PRRC1: variants seen among roughly 807,000 people sequenced by gnomAD.
PRRC1 encodes proline rich coiled-coil 1.
PRRC1 carries 39 observed loss-of-function variants against 40.7 expected under a neutral mutation model. That is an observed-to-expected ratio of 0.96 (90% confidence interval 0.74 to 1.25). The LOEUF is 1.25. PRRC1 is among the 50% of genes most tolerant of loss of function. PRRC1 has a pLI of 0.00. For missense variants in PRRC1, 573 were observed against 548.3 expected, an observed-to-expected ratio of 1.05 and a Z score of -0.45; for synonymous variants, 175 against 193.3, an observed-to-expected ratio of 0.91 and a Z score of 0.79.
At chr5:127,546,683 C>T (rs1377314445) in intron 7 of PRRC1, among the ~76,000 whole-genome samples, 1 of 152,160 alleles carries the variant, frequency 6.6e-6, no homozygotes, top group Non-Finnish European at 1.5e-5. Flanking sequence ...CCTTCAGTAA[C>T]ACTTTTTAGG....
At position 127,554,427 on chromosome 5, in the gene PRRC1, C is replaced by G. The variant is rs1313287444; in HGVS notation, c.*2511C>G. 6.6e-6 allele frequency: 1 copy of G among 151,910 alleles called. No individual in the cohort carries two copies. Among genetic ancestry groups the G allele is most frequent in the East Asian group, 1.9e-4 (1 of 5,176 alleles). 9.4% of individuals were successfully genotyped at this position (151,910 alleles called of 1,614,324 possible). On this transcript the variant is annotated 3_prime_UTR_variant, in exon 9 of 9. Coordinates refer to ENST00000296666, the MANE Select transcript of PRRC1 (RefSeq NM_130809.5). ...TGTTATTGGATTTTGTATTTTAATA[C>G]AAATTATTGAATTTTATAAGCTTGT...
At chr5:127,540,567 C>T (rs1467614340) in intron 7 of PRRC1, among the ~76,000 whole-genome samples, 1 of 152,114 alleles carries the variant, frequency 6.6e-6, no homozygotes, top group East Asian at 1.9e-4. Context: ...GAGCTGCTCA[C>T]TACCAATTCT....
chr5:127,552,433 G>T lies in PRRC1; in HGVS notation c.*517G>T. On this transcript the variant is annotated 3_prime_UTR_variant, in exon 9 of 9. Transcript: ENST00000296666. ...ATAAGACACCTACTTGTCGGGAGAT[G>T]TTCCACATTTCTGTGCATGTTTTCA... 1.0e-6 allele frequency: 1 copy of T among 987,138 alleles called. No homozygotes were observed. The highest frequency in any genetic ancestry group is 4.7e-5 in the South Asian group (1 of 21,372). The allele number at this position is 987,138 out of a possible 1,614,324, so 61.1% of individuals were successfully genotyped here.
At chr5:127,535,128 A>G (rs983769334) in intron 6 of PRRC1, among the ~76,000 whole-genome samples, 2 of 152,222 alleles carry the variant, frequency 1.3e-5, no homozygotes, top group Admixed American at 6.5e-5. Flanking sequence ...CATTTTGCCA[A>G]CCTGTCAATA....
At chr5:127,545,726 A>G (rs1321697417) in intron 7 of PRRC1, among the ~76,000 whole-genome samples, 1 of 151,816 alleles carries the variant, frequency 6.6e-6, no homozygotes, top group African/African-American at 2.4e-5. Context: ...ACATGTATAC[A>G]TATGTAACTA....
intron 1 of PRRC1, among the ~76,000 whole-genome samples, chr5:127,518,664 C>T (rs1456856431): frequency 2.6e-5 from 4 of 151,754 alleles, no homozygotes; most frequent in African/African-American, 7.3e-5. Context: ...AATAATTGCT[C>T]TTAATGCTTT....
intron 8 of PRRC1, chr5:127,548,918 CA>C (rs1161859030): frequency 6.6e-6 from 1 of 151,960 alleles, no homozygotes; most frequent in Non-Finnish European, 1.5e-5. Context: ...ACACTCATTT[CA>C]ATATGAAGGT....
Position 127,518,750 on chromosome 5 carries a change from A to G in PRRC1, c.-21+974A>G, listed in dbSNP as rs561890750. On this transcript the variant is annotated intron_variant, in intron 1 of 8. Coordinates refer to ENST00000296666, the MANE Select transcript of PRRC1 (RefSeq NM_130809.5). The stretch of plus-strand genomic sequence containing the variant: ...CATCCACTTTTTTTTTTTTTTTTTA[A>G]CAGAAAAACCAAGGCACAAGCAAAT... Among the ~76,000 whole-genome samples the G allele has an allele frequency of 1.0e-3, 152 of 149,922 alleles. 1 individual carries two copies. Among genetic ancestry groups the G allele is most frequent in the African/African-American group, 3.6e-3 (146 of 40,672 alleles).
chr5:127,534,867 C>T (rs1032133030), intron 6 of PRRC1, among the ~76,000 whole-genome samples: 10 of 152,220 alleles, frequency 6.6e-5, no homozygotes, highest in Non-Finnish European at 1.3e-4. Context: ...CACTTGCTCC[C>T]TCTAGCCTTC....
At chr5:127,544,033 A>T (rs1295258127) in intron 7 of PRRC1, among the ~76,000 whole-genome samples, 1 of 151,890 alleles carries the variant, frequency 6.6e-6, no homozygotes, top group Non-Finnish European at 1.5e-5. Context: ...GATGATGGTG[A>T]TGTACAGATG....
intron 1 of PRRC1, among the ~76,000 whole-genome samples, chr5:127,520,583 C>T (rs146239232): frequency 3.0e-4 from 45 of 152,102 alleles, no homozygotes; most frequent in African/African-American, 9.6e-4. Flanking sequence ...CTGTATGATT[C>T]GATTTATGTA....
chr5:127,538,606 A>G (rs1230284662), intron 6 of PRRC1, among the ~76,000 whole-genome samples: 1 of 152,092 alleles, frequency 6.6e-6, no homozygotes, highest in Non-Finnish European at 1.5e-5. Context: ...AGAGAAAAAC[A>G]TATTTATTAT....
chr5:127,534,510 G>T (rs114373354), intron 6 of PRRC1, among the ~76,000 whole-genome samples: 120 of 152,298 alleles, frequency 7.9e-4, no homozygotes, highest in African/African-American at 2.8e-3. Context: ...GGACTTACCA[G>T]AGGCTTTTGA....
intron 4 of PRRC1, among the ~76,000 whole-genome samples, chr5:127,527,244 A>G (rs971554453): frequency 2.6e-5 from 4 of 152,180 alleles, no homozygotes; most frequent in Non-Finnish European, 5.9e-5. Context: ...GCACAACATG[A>G]TGTATACATG....
At chr5:127,518,417 T>C (rs950629346) in intron 1 of PRRC1, among the ~76,000 whole-genome samples, 7 of 152,248 alleles carry the variant, frequency 4.6e-5, no homozygotes, top group Non-Finnish European at 7.3e-5. Flanking sequence ...GATAGCACGT[T>C]TCCTAGATTG....
chr5:127,523,096 G>A (rs1189894074), intron 1 of PRRC1, among the ~76,000 whole-genome samples: 1 of 152,096 alleles, frequency 6.6e-6, no homozygotes, highest in Non-Finnish European at 1.5e-5. Context: ...ATAGGCATGG[G>A]ACACCACACC....
intron 8 of PRRC1, chr5:127,549,920 T>G (rs1413750111): frequency 6.6e-6 from 1 of 152,080 alleles, no homozygotes; most frequent in Admixed American, 6.6e-5. Flanking sequence ...AGGACAATTT[T>G]TATGTTGTTT....
chr5:127,531,790 T>G (rs930723213), intron 5 of PRRC1, among the ~76,000 whole-genome samples: 17 of 151,908 alleles, frequency 1.1e-4, no homozygotes, highest in Non-Finnish European at 1.5e-5. Context: ...GCCCAGCTAA[T>G]TTTTGGTAGA....
chr5:127,532,661 G>GA (rs768936458), intron 5 of PRRC1, among the ~76,000 whole-genome samples: 22 of 152,288 alleles, frequency 1.4e-4, no homozygotes, highest in Non-Finnish European at 2.6e-4. Flanking sequence ...ATCCAGTACA[G>GA]ATGTGATCTG....
Sources: allele counts gnomAD v4.1 joint callset (sites outside exome capture counted in the v4.1 genomes callset), GRCh38; gene constraint gnomAD v4.1.1; transcripts MANE v1.5; gene names NCBI Gene and HGNC (gene_info 2026-07-23, HGNC 2026-07-21).